UNC93B1: variants seen among roughly 807,000 people sequenced by gnomAD.
The protein encoded by UNC93B1 is unc-93B1 regulator of TLR signaling, also known as protein unc-93 homolog B1.
UNC93B1 carries 33 observed loss-of-function variants against 56.8 expected under a neutral mutation model. The observed-to-expected ratio is 0.58, with a 90% CI of 0.44 to 0.78. The LOEUF (loss-of-function observed/expected upper bound fraction) is 0.78. Among genes scored for constraint, UNC93B1 ranks in the 30% least tolerant of loss-of-function variants. The pLI is 0.00. For missense variants in UNC93B1, 673 were observed against 819.5 expected, an observed-to-expected ratio of 0.82 and a Z score of 2.18; for synonymous variants, 334 against 358.6, an observed-to-expected ratio of 0.93 and a Z score of 0.77.
chr11:67,998,651 C>G (rs1236517884), intron 5 of UNC93B1, among the ~76,000 whole-genome samples, 199 bp from the exon 6 acceptor site: 2 of 152,156 alleles, frequency 1.3e-5, no homozygotes, highest in Non-Finnish European at 2.9e-5. Flanking sequence ...GATGAGATCT[C>G]TATCTCTATG....
rs1316226775 is a variant in UNC93B1 at position 67,997,662 on chromosome 11, T to C, written c.906+13A>G. On this transcript the variant is annotated intron_variant, in intron 7 of 10. Transcript: ENST00000227471. ...TGCTTCACTGACTGTCCTGCCCCCATCCCGGGCCGCACCAGCAGCATGGCC... is the reference window on the plus strand; with the variant it reads ...TGCTTCACTGACTGTCCTGCCCCCACCCCGGGCCGCACCAGCAGCATGGCC... 1 of 1,600,692 alleles carries C rather than the reference T, an allele frequency of 6.2e-7. No individual in the cohort carries two copies.
At chr11:67,992,182 G>A (rs1453771866) in intron 10 of UNC93B1, among the ~76,000 whole-genome samples, 1 of 152,266 alleles carries the variant, frequency 6.6e-6, no homozygotes, top group Non-Finnish European at 1.5e-5. Context: ...CCTTCCCAGG[G>A]CTCACAACAC....
In UNC93B1 at chr11:67,997,763, T is replaced by C. The variant is rs1318077413; in HGVS notation, c.818A>G (p.Lys273Arg). ...NSHGILSGFN[K>R]TVLRTLPRSG... ...CCGCGGGAGCGTCCGCAGAACCGTC[T>C]TGTTGAAGCCGCTGAGGATCCCGTG... is the stretch of plus-strand genomic sequence containing the variant. The change falls in exon 7 of 11, where the codon AAG becomes AGG. Residue 273 changes from lysine (K) to arginine (R), a missense_variant. By Grantham distance (26) the Lys-to-Arg change is conservative (BLOSUM62 2). This residue lies in a region of UNC93B1 where 438 missense variants were observed against 465.9 expected (regional missense o/e 0.94). Coordinates refer to ENST00000227471, the MANE Select transcript of UNC93B1 (RefSeq NM_030930.4). 2 of 1,610,286 alleles carry C rather than the reference T, an allele frequency of 1.2e-6. No homozygotes were observed. Among genetic ancestry groups the C allele is most frequent in the African/African-American group, 2.7e-5 (2 of 75,056 alleles).
rs1284308741 is a variant in UNC93B1 at position 68,003,864 on chromosome 11, C to T, written c.97-66G>A. On this transcript the variant is annotated intron_variant, in intron 1 of 10. Coordinates refer to ENST00000227471, the MANE Select transcript of UNC93B1 (RefSeq NM_030930.4). This position sits in a 1 kb window ranked among gnomAD's most constrained non-coding sequence, Gnocchi z 4.4. ...CGAACCCGTGTCCCCCGGTGCCCGCCGCCCCCCGGCCCGCCCCGCCCCCGC... is the reference window on the plus strand; with the variant it reads ...CGAACCCGTGTCCCCCGGTGCCCGCTGCCCCCCGGCCCGCCCCGCCCCCGC... The T allele has an allele frequency of 2.3e-6, 3 of 1,314,574 alleles. No individual in the cohort carries two copies. Among genetic ancestry groups the T allele is most frequent in the Non-Finnish European group, 2.9e-6 (3 of 1,035,612 alleles). The allele number at this position is 1,314,574 out of a possible 1,614,324, so 81.4% of individuals were successfully genotyped here. A position where few individuals can be genotyped will look rare whatever the true frequency, so the allele number is the denominator to read the frequency against.
In UNC93B1 at chr11:67,991,803, G is replaced by A. The variant is rs1856848335; in HGVS notation, c.1537C>T (p.Arg513Trp). The A allele has an allele frequency of 3.9e-6, 6 of 1,554,342 alleles. No homozygotes were observed. The highest frequency in any genetic ancestry group is 5.2e-6 in the Non-Finnish European group (6 of 1,159,012). The change falls in exon 11 of 11, where the codon CGG (arginine) becomes TGG (tryptophan). Residue 513 changes from arginine to tryptophan, a missense_variant. Arg to Trp is a moderately radical substitution (Grantham distance 101). Coordinates refer to ENST00000227471, the MANE Select transcript of UNC93B1 (RefSeq NM_030930.4). ...CCCCGGCGCAGCTTCTGCTCCATCC[G>A]CAGGTAGGAGACCGCGGCCGCCACC... Reference protein sequence around the residue: ...TLVAAAVSYLRMEQKLRRGVA... With the variant: ...TLVAAAVSYLWMEQKLRRGVA...
rs1051395142 is a variant in UNC93B1, at chr11:67,998,521, G to A, written c.688-69C>T. ...CAGGCAAGGGACACAGGCATGGTCT[G>A]GGGAGGGGTCCAGGCACAGCCTTGG... On this transcript the variant is annotated intron_variant, in intron 5 of 10. Coordinates refer to ENST00000227471, the MANE Select transcript of UNC93B1 (RefSeq NM_030930.4). 517 of 1,521,516 alleles carry A rather than the reference G, an allele frequency of 3.4e-4. 3 individuals carry two copies. The highest frequency in any genetic ancestry group is 3.4e-4 in the Middle Eastern group (2 of 5,862). 94.3% of individuals were successfully genotyped at this position (1,521,516 alleles called of 1,614,324 possible). A position where few individuals can be genotyped will look rare whatever the true frequency, so the allele number is the denominator to read the frequency against.
At chr11:68,002,887 C>A (rs1476165050) in intron 3 of UNC93B1, 135 bp downstream of exon 3, 1 of 1,203,846 alleles carries the variant, frequency 8.3e-7, no homozygotes, top group Non-Finnish European at 1.1e-6. Flanking sequence ...CTCAGGCTTC[C>A]GGGTAGAAAA....
chr11:68,003,459 C>T lies in UNC93B1; in HGVS notation c.238+198G>A. 1 of 914,874 alleles carries T rather than the reference C, an allele frequency of 1.1e-6. No individual in the cohort carries two copies. Among genetic ancestry groups the T allele is most frequent in the Admixed American group, 3.5e-5 (1 of 28,342 alleles). 56.7% of individuals were successfully genotyped at this position (914,874 alleles called of 1,614,324 possible). On this transcript the variant is annotated intron_variant, in intron 2 of 10. Coordinates refer to ENST00000227471, the MANE Select transcript of UNC93B1 (RefSeq NM_030930.4). The surrounding 1 kb of genome is among the most constrained non-coding windows in gnomAD (Gnocchi z 4.4). The stretch of plus-strand genomic sequence containing the variant: ...CCGGACCCCCGTCCCCCACCCACAC[C>T]GAGGCTCTGGCTGGGACCCGGGGAC...
At chr11:68,000,892 C>A (rs143701784) in intron 3 of UNC93B1, among the ~76,000 whole-genome samples, 1 of 151,872 alleles carries the variant, frequency 6.6e-6, no homozygotes, top group Non-Finnish European at 1.5e-5. Context: ...AATGAAATTG[C>A]GCTTATAAAG....
rs568688811 is a variant in UNC93B1, at chr11:68,003,610, G to T, written c.238+47C>A. 14 of 1,488,164 alleles carry T rather than the reference G, an allele frequency of 9.4e-6. No individual in the cohort carries two copies. Among genetic ancestry groups the T allele is most frequent in the East Asian group, 2.8e-5 (1 of 35,996 alleles). The allele number at this position is 1,488,164 out of a possible 1,614,324, so 92.2% of individuals were successfully genotyped here. A position where few individuals can be genotyped will look rare whatever the true frequency, so the allele number is the denominator to read the frequency against. ...GCCCGCGGTTTCTGTTTCCCGGGCC[G>T]GGCTGGGAGCGGGCGGGGCGGCCCC... On this transcript the variant is annotated intron_variant, in intron 2 of 10. Coordinates refer to ENST00000227471, the MANE Select transcript of UNC93B1 (RefSeq NM_030930.4). The surrounding 1 kb of genome is among the most constrained non-coding windows in gnomAD (Gnocchi z 4.4).
intron 7 of UNC93B1, among the ~76,000 whole-genome samples, chr11:67,997,170 C>T (rs1856961817): frequency 6.7e-6 from 1 of 148,774 alleles, no homozygotes; most frequent in African/African-American, 2.5e-5. Context: ...CCCTCGGACA[C>T]ACCCACAGAC....
intron 3 of UNC93B1, among the ~76,000 whole-genome samples, chr11:67,999,892 C>T (rs1239860163): frequency 6.6e-6 from 1 of 152,224 alleles, no homozygotes; most frequent in Admixed American, 6.5e-5. Context: ...AATATGGGCA[C>T]GGAGCCCAAA....
At position 67,999,549 on chromosome 11, in the gene UNC93B1, A is replaced by C; in HGVS notation, c.524T>G (p.Leu175Arg). The C allele has an allele frequency of 6.4e-7, 1 of 1,565,780 alleles. No homozygotes were observed. The highest frequency in any genetic ancestry group is 8.7e-7 in the Non-Finnish European group (1 of 1,156,038). ...AVALGMAIVP[L>R]WASMGNYITR... The stretch of plus-strand genomic sequence containing the variant: ...GATGTAGTTGCCCATGGAAGCCCAA[A>C]GAGGCACGATGGCCATGCCCAGGGC... Residue 175 changes from leucine to arginine, a missense_variant, in exon 4 of 11, where the codon CTT becomes CGT. Physicochemically the swap from Leu to Arg is moderately radical, Grantham distance 102 (BLOSUM62 -2). Transcript: ENST00000227471.
chr11:67,999,778 C>A, intron 3 of UNC93B1, 98 bp from the exon 4 acceptor site: 1 of 1,471,320 alleles, frequency 6.8e-7, no homozygotes, highest in East Asian at 2.5e-5. Context: ...GCTCACAGGG[C>A]TTTGTGAGGT....
chr11:67,999,985 A>G (rs1857020293), intron 3 of UNC93B1, among the ~76,000 whole-genome samples: 1 of 152,144 alleles, frequency 6.6e-6, no homozygotes, highest in African/African-American at 2.4e-5. Flanking sequence ...GGGCTCTCTG[A>G]TTCTCCCATT....
rs758477621 is a variant in UNC93B1, at chr11:68,001,691, T to TA, written c.392+1330_392+1331insT. On this transcript the variant is annotated intron_variant, in intron 3 of 10. Coordinates refer to ENST00000227471, the MANE Select transcript of UNC93B1 (RefSeq NM_030930.4). ...ATAATAAAATAAATAAACACATAAT[T>TA]TAAAAAAAAAAAACAAGGAAACAGA... Among the ~76,000 whole-genome samples the TA allele has an allele frequency of 1.2e-3, 178 of 142,664 alleles. 1 individual carries two copies. The highest frequency in any genetic ancestry group is 3.0e-3 in the African/African-American group (113 of 37,848). 93.6% of individuals were successfully genotyped at this position (142,664 alleles called of 152,430 possible). A position where few individuals can be genotyped will look rare whatever the true frequency, so the allele number is the denominator to read the frequency against.
rs537862179 is a variant in UNC93B1 at position 67,991,185 on chromosome 11, T to C, written c.*361A>G. 170 of 235,490 alleles carry C rather than the reference T, an allele frequency of 7.2e-4. No homozygotes were observed. The highest frequency in any genetic ancestry group is 3.0e-3 in the African/African-American group (131 of 44,374). The allele number at this position is 235,490 out of a possible 1,614,324, so 14.6% of individuals were successfully genotyped here. ...GACCCTGGGGATAGGAGGTGCAAAG[T>C]GCGCTCACACGCGGCCCGGGTCCGC... is the stretch of plus-strand genomic sequence containing the variant. On this transcript the variant is annotated 3_prime_UTR_variant, in exon 11 of 11. Transcript: ENST00000227471.
At chr11:67,999,142 G>A (rs1857000128) in intron 5 of UNC93B1, 31 bp downstream of exon 5, 2 of 1,613,092 alleles carry the variant, frequency 1.2e-6, no homozygotes, top group African/African-American at 2.7e-5. Context: ...GTCTGCCCCT[G>A]CCACCCAACA....
intron 3 of UNC93B1, among the ~76,000 whole-genome samples, chr11:67,999,924 T>G (rs1313122100): frequency 6.6e-6 from 1 of 152,212 alleles, no homozygotes. Context: ...TCATCACCAC[T>G]GTGAGGATGG....
Sources: gnomAD v4.1 joint callset for allele counts (sites outside exome capture counted in the v4.1 genomes callset) on GRCh38, gnomAD v4.1.1 for gene constraint, gnomAD v4.1.1 regional missense constraint, Gnocchi (gnomAD v3.1) non-coding constraint, MANE v1.5 for transcripts, NCBI Gene and HGNC (gene_info 2026-07-23, HGNC 2026-07-21) for gene names.